SEMA3D: variants seen among roughly 807,000 people sequenced by gnomAD.
SEMA3D encodes semaphorin 3D, also known as semaphorin-3D.
A neutral mutation model predicts 100.1 loss-of-function variants in SEMA3D; 84 were observed. The ratio of observed to expected loss-of-function variants is 0.84; its 90% confidence interval spans 0.70 to 1.01. SEMA3D has a LOEUF of 1.01. SEMA3D is among the 50% of genes least tolerant of loss of function. The pLI, the probability that SEMA3D is intolerant of heterozygous loss-of-function variation, is 0.00. For missense variants in SEMA3D, 875 were observed against 934.1 expected, an observed-to-expected ratio of 0.94 and a Z score of 0.82; for synonymous variants, 312 against 320.7, an observed-to-expected ratio of 0.97 and a Z score of 0.29.
intron 1 of SEMA3D, chr7:85,159,845 G>A: frequency 1.0e-6 from 1 of 984,986 alleles, no homozygotes; most frequent in Non-Finnish European, 1.2e-6. Context: ...CCTGCAGATA[G>A]TAGGATTTCA....
chr7:85,180,346 T>G (rs1583994961), intron 1 of SEMA3D, among the ~76,000 whole-genome samples: 2 of 152,174 alleles, frequency 1.3e-5, no homozygotes, highest in South Asian at 4.1e-4. Flanking sequence ...ATTATAAGTT[T>G]CCTGAGGCCT....
chr7:85,207,879 T>C, the SEMA3D span, among the ~76,000 whole-genome samples: 1 of 152,134 alleles, frequency 6.6e-6, no homozygotes, highest in Non-Finnish European at 1.5e-5. Context: ...GGTCATTTAT[T>C]ATAGGAAAAA....
chr7:85,050,173 C>T (rs142375110), intron 9 of SEMA3D, among the ~76,000 whole-genome samples: 10 of 150,970 alleles, frequency 6.6e-5, no homozygotes, highest in African/African-American at 2.4e-4. Context: ...TTTGAAAGTA[C>T]TAACTTGCAA....
intron 12 of SEMA3D, among the ~76,000 whole-genome samples, chr7:85,023,171 A>C (rs1347200402): frequency 3.9e-4 from 60 of 151,948 alleles, no homozygotes; most frequent in Admixed American, 3.9e-3. Context: ...TCTCCTAAAG[A>C]GTCTGCAAAG....
intron 1 of SEMA3D, chr7:85,167,429 A>C: frequency 7.2e-6 from 7 of 973,654 alleles, no homozygotes; most frequent in Non-Finnish European, 8.5e-6. Flanking sequence ...CCTTTGAATG[A>C]TATAATTTAC....
the SEMA3D span, among the ~76,000 whole-genome samples, chr7:85,196,428 AATGTTAACCAT>A: frequency 6.6e-6 from 1 of 152,172 alleles, no homozygotes; most frequent in African/African-American, 2.4e-5. Context: ...AGTACACAGA[AATGTTAACCAT>A]AAAGAAAGAG....
intron 1 of SEMA3D, among the ~76,000 whole-genome samples, chr7:85,165,244 TA>T (rs1488720529): frequency 4.8e-5 from 7 of 146,370 alleles, no homozygotes; most frequent in Admixed American, 1.4e-4. Flanking sequence ...TTATGTAAAT[TA>T]AAAAAAGAAA....
intron 2 of SEMA3D, among the ~76,000 whole-genome samples, chr7:85,148,068 CT>C (rs1157953125): frequency 6.6e-6 from 1 of 152,164 alleles, no homozygotes; most frequent in East Asian, 1.9e-4. Flanking sequence ...CAATGACAAT[CT>C]ATTTAAAGGT....
chr7:85,168,592 T>G (rs1790976666), intron 1 of SEMA3D, among the ~76,000 whole-genome samples: 1 of 149,870 alleles, frequency 6.7e-6, no homozygotes, highest in South Asian at 2.1e-4. Context: ...CTCAGATTGG[T>G]GCAAAAGTAA....
chr7:85,076,862 G>A (rs1791938778), intron 5 of SEMA3D, among the ~76,000 whole-genome samples: 1 of 152,088 alleles, frequency 6.6e-6, no homozygotes, highest in South Asian at 2.1e-4. Context: ...TTGGGAGGCC[G>A]AGGTGGGTGG....
At chr7:85,029,324 A>G (rs1790480018) in intron 12 of SEMA3D, 2 of 1,307,760 alleles carry the variant, frequency 1.5e-6, no homozygotes, top group Admixed American at 3.4e-5. Flanking sequence ...CAGGAAACTG[A>G]GAAGTACAAA....
Position 85,020,281 on chromosome 7 carries a change from T to A in SEMA3D, c.1455A>T (p.Glu485Asp). The A allele has an allele frequency of 6.2e-7, 1 of 1,610,376 alleles. No individual in the cohort carries two copies. Among genetic ancestry groups the A allele is most frequent in the Non-Finnish European group, 8.5e-7 (1 of 1,177,586 alleles). ...GCACTACCTCTTCCATATTCCACTT[T>A]TCCTTTGAAATGCTGACAACTTTGA... Reference protein sequence around the residue: ...TVLKVVSISKEKWNMEEVVLE... With the variant: ...TVLKVVSISKDKWNMEEVVLE... The change falls in exon 14 of 19, where the codon GAA (glutamate) becomes GAT (aspartate). Residue 485 changes from glutamate to aspartate, a missense_variant. Coordinates refer to ENST00000284136, the MANE Select transcript of SEMA3D (RefSeq NM_001384900.1).
chr7:85,192,182 C>A, the SEMA3D span, among the ~76,000 whole-genome samples: 2 of 151,828 alleles, frequency 1.3e-5, no homozygotes, highest in African/African-American at 4.8e-5. Flanking sequence ...AAAAAATGCC[C>A]AACATGTTTT....
intron 3 of SEMA3D, among the ~76,000 whole-genome samples, chr7:85,116,216 A>G (rs548649419): frequency 2.2e-3 from 335 of 148,964 alleles, no homozygotes; most frequent in Non-Finnish European, 3.6e-3. Flanking sequence ...ACATATACAT[A>G]TATAAATACA....
intron 1 of SEMA3D, among the ~76,000 whole-genome samples, chr7:85,160,630 A>G (rs527378605): frequency 1.3e-5 from 2 of 152,212 alleles, no homozygotes; most frequent in African/African-American, 4.8e-5. Flanking sequence ...GGACCCTCCT[A>G]AACAGGACTG....
intron 12 of SEMA3D, chr7:85,028,217 C>G: frequency 3.0e-6 from 2 of 674,998 alleles, no homozygotes; most frequent in South Asian, 3.1e-5. Flanking sequence ...AAGGAAATTG[C>G]AAAAGTCTAC....
chr7:85,210,713 A>C, the SEMA3D span, among the ~76,000 whole-genome samples: 2 of 152,152 alleles, frequency 1.3e-5, no homozygotes, highest in African/African-American at 2.4e-5. Flanking sequence ...TGGTTTATCT[A>C]TTGTAGAGTA....
At chr7:85,060,437 C>T (rs1791440187) in intron 8 of SEMA3D, among the ~76,000 whole-genome samples, 1 of 152,088 alleles carries the variant, frequency 6.6e-6, no homozygotes, top group African/African-American at 2.4e-5. Flanking sequence ...AAATAGGTAT[C>T]ATTTAATCAG....
intron 12 of SEMA3D, among the ~76,000 whole-genome samples, chr7:85,024,948 A>C (rs1170695577): frequency 6.6e-6 from 1 of 152,040 alleles, no homozygotes; most frequent in African/African-American, 2.4e-5. Context: ...AAAATTTCGT[A>C]AAAGAAAAGA....
Sources: gnomAD v4.1 joint callset for allele counts (sites outside exome capture counted in the v4.1 genomes callset) on GRCh38, gnomAD v4.1.1 for gene constraint, MANE v1.5 for transcripts, NCBI Gene and HGNC (gene_info 2026-07-23, HGNC 2026-07-21) for gene names.